Variants in ADAMTS14 observed in about 807,000 individuals in gnomAD.
ADAMTS14 encodes the protein A disintegrin and metalloproteinase with thrombospondin motifs 14.
In ADAMTS14, 100 loss-of-function variants were observed where a neutral mutation model predicts 128.6. That is an observed-to-expected ratio of 0.78 (90% CI 0.66 to 0.92). ADAMTS14 has a LOEUF of 0.92. ADAMTS14 is among the 40% of genes least tolerant of loss of function. The probability of loss-of-function intolerance (pLI) is 0.00; values close to 1 mark genes in which losing one functional copy is unlikely to be tolerated. For missense variants in ADAMTS14, 1,562 were observed against 1,658.6 expected (o/e 0.94, Z 1.01); for synonymous variants, 665 against 653.8 (o/e 1.02, Z -0.26).
intron 6 of ADAMTS14, among the ~76,000 whole-genome samples, chr10:70,731,849 G>A (rs1241263353): frequency 2.0e-5 from 3 of 152,284 alleles, no homozygotes; most frequent in African/African-American, 7.2e-5. Context: ...GTCGGGGTAG[G>A]CTCGGATCTG....
chr10:70,715,710 T>C (rs1288217289), intron 4 of ADAMTS14, among the ~76,000 whole-genome samples: 2 of 152,162 alleles, frequency 1.3e-5, no homozygotes, highest in African/African-American at 2.4e-5. Flanking sequence ...ATAAGTGAGA[T>C]GTTTCTTTCT....
At chr10:70,751,165 A>G (rs374844233) in intron 16 of ADAMTS14, among the ~76,000 whole-genome samples, 7 of 152,178 alleles carry the variant, frequency 4.6e-5, no homozygotes, top group African/African-American at 1.7e-4. Context: ...TGCTGCAGTG[A>G]GCAGAACAGA....
In ADAMTS14 at chr10:70,691,153, C is replaced by T. The variant is rs547581447; in HGVS notation, c.523-11159C>T. 2.5e-4 allele frequency among the ~76,000 whole-genome samples: 36 copies of T among 144,482 alleles called. 3 individuals are homozygous for T. Among genetic ancestry groups the T allele is most frequent in the Middle Eastern group, 3.6e-3 (1 of 276 alleles). The allele number at this position is 144,482 out of a possible 152,430, so 94.8% of individuals were successfully genotyped here. ...CTGGGCCAGGACATCTGCCTGTTGG[C>T]GGGGAAGGGGAGTAGAAATAAAAAG... On this transcript the variant is annotated intron_variant, in intron 2 of 21. Transcript: ENST00000373207.
intron 2 of ADAMTS14, among the ~76,000 whole-genome samples, chr10:70,690,848 T>A (rs1249553332): frequency 6.9e-6 from 1 of 145,146 alleles, no homozygotes; most frequent in Admixed American, 6.8e-5. Context: ...CCACACCGCC[T>A]GCTGGCACTT....
chr10:70,741,188 C>T (rs1356615335), intron 12 of ADAMTS14, 26 bp downstream of exon 12: 2 of 1,608,502 alleles, frequency 1.2e-6, no homozygotes, highest in Non-Finnish European at 1.7e-6. Flanking sequence ...CCCCCTCCCA[C>T]TCCATGTCCT....
intron 13 of ADAMTS14, 67 bp from the exon 14 acceptor site, chr10:70,743,999 A>G: frequency 6.6e-7 from 1 of 1,526,212 alleles, no homozygotes; most frequent in Non-Finnish European, 8.8e-7. Context: ...GGGGATGGGA[A>G]TGGGAGCCCC....
chr10:70,751,073 A>G (rs2688773), intron 16 of ADAMTS14, among the ~76,000 whole-genome samples: 4,258 of 152,300 alleles, frequency 0.028, 232 homozygotes, highest in Admixed American at 0.13. Flanking sequence ...AATGGGGGAA[A>G]ATACTTGCAA....
At chr10:70,691,384 G>A (rs1392998008) in intron 2 of ADAMTS14, among the ~76,000 whole-genome samples, 1 of 140,648 alleles carries the variant, frequency 7.1e-6, no homozygotes, top group Non-Finnish European at 1.6e-5. Context: ...CCAGCTACTC[G>A]GGAAACTGAG....
intron 15 of ADAMTS14, among the ~76,000 whole-genome samples, chr10:70,747,449 C>G (rs1842212946): frequency 1.4e-5 from 2 of 148,120 alleles, no homozygotes. Context: ...GCCTGCCTGG[C>G]TGTGGGGAAT....
At chr10:70,747,234 A>G (rs370935353) in intron 15 of ADAMTS14, among the ~76,000 whole-genome samples, 1 of 152,138 alleles carries the variant, frequency 6.6e-6, no homozygotes, top group African/African-American at 2.4e-5. Context: ...GCATTGTCCC[A>G]TCAGGCCATA....
Position 70,732,835 on chromosome 10 carries a change from G to A in ADAMTS14, c.1208+476G>A, listed in dbSNP as rs1024159610. Among the ~76,000 whole-genome samples, 7 of 152,218 alleles carry A rather than the reference G, an allele frequency of 4.6e-5. No homozygotes were observed. The East Asian group carries it at 5.8e-4, about 13-fold the overall frequency. On this transcript the variant is annotated intron_variant, in intron 7 of 21. Transcript: ENST00000373207. ...AAACAGGTGCACTTAGAGCTTAGGCGGTAGGCCAGGCAGAGGCTGGCTTGC... is the reference window on the plus strand; with the variant it reads ...AAACAGGTGCACTTAGAGCTTAGGCAGTAGGCCAGGCAGAGGCTGGCTTGC...
intron 4 of ADAMTS14, 94 bp downstream of exon 4, chr10:70,708,872 T>G: frequency 1.0e-6 from 1 of 988,884 alleles, no homozygotes; most frequent in Non-Finnish European, 1.4e-6. Context: ...AAGTGGAAGT[T>G]TCTGGGGCCT....
In ADAMTS14 at chr10:70,673,271, G is replaced by T. The variant is rs547153754; in HGVS notation, c.82+387G>T. On this transcript the variant is annotated intron_variant, in intron 1 of 21. Transcript: ENST00000373207. ...GTGAGCATGGGTGCAAGGGGTGTGT[G>T]TGTGTGTGTGTCTGTGTGTGGCTGT... is the stretch of plus-strand genomic sequence containing the variant. 5.7e-5 allele frequency among the ~76,000 whole-genome samples: 8 copies of T among 141,114 alleles called. No homozygotes were observed. In the East Asian group the frequency reaches 1.6e-3, roughly 28 times the overall value. 92.6% of individuals were successfully genotyped at this position (141,114 alleles called of 152,430 possible).
intron 4 of ADAMTS14, among the ~76,000 whole-genome samples, chr10:70,724,726 G>T (rs142869951): frequency 6.6e-6 from 1 of 152,170 alleles, no homozygotes. Flanking sequence ...GCAGATGAGC[G>T]TACCAGGGCG....
chr10:70,761,833 G>A lies in ADAMTS14; in HGVS notation c.*980G>A, dbSNP rs1224234153. 1.3e-5 allele frequency: 2 copies of A among 152,298 alleles called. No homozygotes were observed. Among genetic ancestry groups the A allele is most frequent in the Non-Finnish European group, 2.9e-5 (2 of 68,062 alleles). The allele number at this position is 152,298 out of a possible 1,614,324, so 9.4% of individuals were successfully genotyped here. On this transcript the variant is annotated 3_prime_UTR_variant, in exon 22 of 22. Transcript: ENST00000373207. ...CATCTTCATCTTCTACCTGGCTCAA[G>A]CTGGGCCAGAGTGTGTGGTTCTCCC...
rs1564521916 is a variant in ADAMTS14 at position 70,689,116 on chromosome 10, G to A, written c.523-13196G>A. ...GGCCGACTGCTGGCCTGGGTGCATC[G>A]TGCCTTTGAGGCTTTGTCACTTCAA... is the stretch of plus-strand genomic sequence containing the variant. On this transcript the variant is annotated intron_variant, in intron 2 of 21. Transcript: ENST00000373207. 2.1e-5 allele frequency among the ~76,000 whole-genome samples: 3 copies of A among 140,756 alleles called. 1 individual carries two copies. The highest frequency in any genetic ancestry group is 4.9e-5 in the Non-Finnish European group (3 of 61,476). The allele number at this position is 140,756 out of a possible 152,430, so 92.3% of individuals were successfully genotyped here.
intron 4 of ADAMTS14, among the ~76,000 whole-genome samples, chr10:70,712,870 C>T (rs80107404): frequency 0.015 from 2,260 of 152,308 alleles, 21 homozygotes; most frequent in Middle Eastern, 0.071. Flanking sequence ...CCGGAACTAG[C>T]GGAGTGGCAG....
intron 3 of ADAMTS14, among the ~76,000 whole-genome samples, chr10:70,703,444 C>A (rs956169470): frequency 6.6e-6 from 1 of 152,190 alleles, no homozygotes; most frequent in African/African-American, 2.4e-5. Flanking sequence ...ACAGTGCATC[C>A]GTTGAAGCTC....
chr10:70,736,549 G>A, intron 9 of ADAMTS14, 131 bp from the exon 10 acceptor site: 1 of 713,894 alleles, frequency 1.4e-6, no homozygotes, highest in South Asian at 2.3e-5. Context: ...GCAGGTGAGG[G>A]GCTCTGGCTG....
Sources: gnomAD v4.1 joint callset for allele counts (sites outside exome capture counted in the v4.1 genomes callset) on GRCh38, gnomAD v4.1.1 for gene constraint, MANE v1.5 for transcripts, NCBI Gene and HGNC (gene_info 2026-07-23, HGNC 2026-07-21) for gene names.